Variants in KANSL1L observed in about 807,000 individuals in gnomAD.
KANSL1L encodes KAT8 regulatory NSL complex subunit 1 like.
Under a neutral mutation model 108.6 loss-of-function variants are expected in KANSL1L, and 25 were observed. That is an observed-to-expected ratio of 0.23 (90% CI 0.17 to 0.32). KANSL1L has a LOEUF of 0.32. KANSL1L is among the 10% of genes least tolerant of loss of function. The pLI is 1.00. For missense variants in KANSL1L, 1,137 were observed against 1,125.7 expected, an observed-to-expected ratio of 1.01 and a Z score of -0.14; for synonymous variants, 405 against 395.1, an observed-to-expected ratio of 1.03 and a Z score of -0.30.
chr2:210,164,528 G>A (rs900807293), intron 1 of KANSL1L, among the ~76,000 whole-genome samples: 6 of 151,984 alleles, frequency 3.9e-5, no homozygotes, highest in Non-Finnish European at 5.9e-5. Flanking sequence ...CATCATCTTT[G>A]ATGATTATTT....
intron 5 of KANSL1L, 174 bp downstream of exon 5, chr2:210,097,908 CTTAA>C (rs908699203): frequency 2.7e-5 from 10 of 374,118 alleles, no homozygotes; most frequent in Non-Finnish European, 4.8e-5. Context: ...TTATCATTAC[CTTAA>C]TTGTGTAAAT....
chr2:210,024,956 AT>A (rs1288936716), intron 13 of KANSL1L, 147 bp downstream of exon 13: 2 of 588,204 alleles, frequency 3.4e-6, no homozygotes, highest in Non-Finnish European at 6.2e-6. Context: ...ATACAAGCTC[AT>A]TCTATGTAGT....
intron 5 of KANSL1L, chr2:210,096,658 C>A: frequency 1.0e-6 from 1 of 983,924 alleles, no homozygotes; most frequent in East Asian, 1.1e-4. Context: ...AATACATTCA[C>A]CTACATTATG....
chr2:210,172,647 A>G (rs1688393842), upstream of KANSL1L, among the ~76,000 whole-genome samples: 1 of 152,256 alleles, frequency 6.6e-6, no homozygotes, highest in African/African-American at 2.4e-5. Flanking sequence ...TAAAAATTGT[A>G]AGCTAATGAT....
At position 210,156,250 on chromosome 2, in the gene KANSL1L, AT is replaced by A. The variant is rs1000223644; in HGVS notation, c.-29-1640del. Among the ~76,000 whole-genome samples the A allele has an allele frequency of 2.9e-3, 443 of 150,708 alleles. 4 individuals carry two copies. Among genetic ancestry groups the A allele is most frequent in the East Asian group, 0.015 (75 of 5,132 alleles). ...TTTTCCAATCACCAAACTGATAAAA[AT>A]TTTTTTTTTCTGAAAACATCACATA... On this transcript the variant is annotated intron_variant, in intron 1 of 14. Coordinates refer to ENST00000281772, the MANE Select transcript of KANSL1L (RefSeq NM_152519.4).
chr2:210,154,680 G>A lies in KANSL1L; in HGVS notation c.-29-69C>T, dbSNP rs1575632306. 6 of 909,082 alleles carry A rather than the reference G, an allele frequency of 6.6e-6. No homozygotes were observed. The East Asian group carries it at 1.8e-4, about 27-fold the overall frequency. 56.3% of individuals were successfully genotyped at this position (909,082 alleles called of 1,614,324 possible). Reference sequence around the variant, plus strand: ...TTTTATGCTTATACTTTTTTCTAAGGGCAACATGTTCAATGTTTCTGATTA... The same window carrying A: ...TTTTATGCTTATACTTTTTTCTAAGAGCAACATGTTCAATGTTTCTGATTA... On this transcript the variant is annotated intron_variant, in intron 1 of 14. Transcript: ENST00000281772.
intron 6 of KANSL1L, among the ~76,000 whole-genome samples, chr2:210,073,070 A>T (rs892532877): frequency 6.6e-6 from 1 of 152,112 alleles, no homozygotes; most frequent in Non-Finnish European, 1.5e-5. Flanking sequence ...TTTTGATGCC[A>T]AATAGTCCTA....
chr2:210,138,492 G>A (rs910177704), intron 2 of KANSL1L, among the ~76,000 whole-genome samples: 1 of 152,102 alleles, frequency 6.6e-6, no homozygotes, highest in African/African-American at 2.4e-5. Context: ...GTTAAAAAAA[G>A]TTAATGATAT....
chr2:210,079,682 ATATATATATGTATGTGTG>A (rs1462254670), intron 5 of KANSL1L: 1 of 32,292 alleles, frequency 3.1e-5, no homozygotes, highest in African/African-American at 8.5e-5. Flanking sequence ...GTGTATATAT[ATATATATATGTATGTGTG>A]TATATATATA....
At chr2:210,157,412 A>C (rs1392804572) in intron 1 of KANSL1L, among the ~76,000 whole-genome samples, 1 of 152,172 alleles carries the variant, frequency 6.6e-6, no homozygotes, top group African/African-American at 2.4e-5. Context: ...AGTAGAGAAA[A>C]GACGTGGGTG....
At chr2:210,090,219 T>C (rs1400108581) in intron 5 of KANSL1L, among the ~76,000 whole-genome samples, 1 of 152,230 alleles carries the variant, frequency 6.6e-6, no homozygotes, top group East Asian at 1.9e-4. Flanking sequence ...ATAAAAGTTC[T>C]GAGTTTCATT....
At chr2:210,037,719 A>T (rs1266624807) in intron 8 of KANSL1L, among the ~76,000 whole-genome samples, 2 of 152,174 alleles carry the variant, frequency 1.3e-5, no homozygotes, top group Non-Finnish European at 1.5e-5. Context: ...CAAATCCCAG[A>T]CATGTCTTTT....
intron 2 of KANSL1L, among the ~76,000 whole-genome samples, chr2:210,150,324 T>A (rs543080098): frequency 6.6e-6 from 1 of 152,276 alleles, no homozygotes; most frequent in South Asian, 2.1e-4. Flanking sequence ...AGGAGGTACG[T>A]TATTTAGTAA....
At chr2:210,139,264 CCTAA>C (rs1025970852) in intron 2 of KANSL1L, among the ~76,000 whole-genome samples, 27 of 152,312 alleles carry the variant, frequency 1.8e-4, no homozygotes, top group Admixed American at 1.6e-3. Flanking sequence ...ACTTATTCCT[CCTAA>C]CTGACATCCA....
At position 210,043,933 on chromosome 2, in the gene KANSL1L, G is replaced by T; in HGVS notation, c.1921+6C>A. ...GTTACTTAGAAATTGTTACAAGGAG[G>T]CTTACCTGATGGCAATGATAGAACA... On this transcript the variant is annotated splice_donor_region_variant and intron_variant, in intron 7 of 14. Transcript: ENST00000281772. The T allele has an allele frequency of 6.4e-7, 1 of 1,567,660 alleles. No homozygotes were observed. Among genetic ancestry groups the T allele is most frequent in the East Asian group, 2.3e-5 (1 of 42,910 alleles).
chr2:210,129,888 T>C (rs1001858083), intron 2 of KANSL1L, among the ~76,000 whole-genome samples: 6 of 151,846 alleles, frequency 4.0e-5, no homozygotes, highest in East Asian at 3.9e-4. Context: ...TAGCTCCTCC[T>C]AGTACCTCTT....
chr2:210,051,643 A>G (rs113631613), intron 6 of KANSL1L, among the ~76,000 whole-genome samples: 318 of 152,230 alleles, frequency 2.1e-3, no homozygotes, highest in Non-Finnish European at 3.7e-3. Context: ...ACATTATTCT[A>G]TTTTCATCTG....
chr2:210,117,651 T>C (rs1401858352), intron 3 of KANSL1L, among the ~76,000 whole-genome samples: 1 of 151,906 alleles, frequency 6.6e-6, no homozygotes, highest in Non-Finnish European at 1.5e-5. Flanking sequence ...CCAGCAAATA[T>C]ATCCTTCAAG....
chr2:210,114,227 C>T (rs1444455569), intron 3 of KANSL1L, among the ~76,000 whole-genome samples: 1 of 152,122 alleles, frequency 6.6e-6, no homozygotes, highest in Non-Finnish European at 1.5e-5. Context: ...TCAGTAGCCT[C>T]TTATGATAAA....
Sources: gnomAD v4.1 joint callset for allele counts (sites outside exome capture counted in the v4.1 genomes callset) on GRCh38, gnomAD v4.1.1 for gene constraint, MANE v1.5 for transcripts, NCBI Gene and HGNC (gene_info 2026-07-23, HGNC 2026-07-21) for gene names.